DLG2: variants seen among roughly 807,000 people sequenced by gnomAD.
DLG2 encodes the protein discs large MAGUK scaffold protein 2.
A neutral mutation model predicts 132.5 loss-of-function variants in DLG2; 45 were observed. That is an observed-to-expected ratio of 0.34 (90% CI 0.27 to 0.44). The LOEUF is 0.44. DLG2 is among the 20% of genes least tolerant of loss of function. The pLI is 1.00. For missense variants in DLG2, 1,045 were observed against 1,196.9 expected (o/e 0.87, Z 1.87); for synonymous variants, 424 against 419.6 (o/e 1.01, Z -0.13).
intron 17 of DLG2, among the ~76,000 whole-genome samples, chr11:83,797,824 G>A (rs1190210182): frequency 6.6e-6 from 1 of 152,118 alleles, no homozygotes; most frequent in African/African-American, 2.4e-5. Flanking sequence ...GGCCGCGTTT[G>A]CATTCTTAAC....
intron 4 of DLG2, among the ~76,000 whole-genome samples, chr11:85,267,106 G>A (rs1306013716): frequency 6.6e-6 from 1 of 152,158 alleles, no homozygotes; most frequent in Admixed American, 6.5e-5. Flanking sequence ...CCAATGTGAT[G>A]TTATTTAGGC....
intron 6 of DLG2, among the ~76,000 whole-genome samples, chr11:84,753,603 C>A (rs569530044): frequency 6.6e-6 from 1 of 152,224 alleles, no homozygotes; most frequent in African/African-American, 2.4e-5. Flanking sequence ...TATGGGATAT[C>A]AAGGCAGAGC....
intron 3 of DLG2, among the ~76,000 whole-genome samples, chr11:85,413,280 T>C (rs2089511808): frequency 6.6e-6 from 1 of 152,008 alleles, no homozygotes; most frequent in South Asian, 2.1e-4. Context: ...CTAGTTTGAG[T>C]TCATTGTAGA....
intron 3 of DLG2, among the ~76,000 whole-genome samples, chr11:85,447,863 G>C (rs536506117): frequency 3.3e-5 from 5 of 152,172 alleles, no homozygotes; most frequent in Non-Finnish European, 7.4e-5. Flanking sequence ...TGAGAGGGAT[G>C]AGATAGACAG....
At chr11:85,504,409 C>T (rs1315527415) in intron 3 of DLG2, among the ~76,000 whole-genome samples, 1 of 152,134 alleles carries the variant, frequency 6.6e-6, no homozygotes, top group African/African-American at 2.4e-5. Flanking sequence ...AGGGAGGGAT[C>T]CAGTTTCAGC....
intron 11 of DLG2, among the ~76,000 whole-genome samples, chr11:83,993,909 A>C (rs1160795084): frequency 1.3e-5 from 2 of 152,172 alleles, no homozygotes; most frequent in African/African-American, 4.8e-5. Flanking sequence ...AAGTTTGATG[A>C]GGATGTCCCA....
At chr11:84,369,556 C>T (rs533660878) in intron 7 of DLG2, among the ~76,000 whole-genome samples, 2 of 152,142 alleles carry the variant, frequency 1.3e-5, no homozygotes, top group South Asian at 2.1e-4. Context: ...GGCAGACATA[C>T]ACACAAGGAA....
chr11:83,615,817 A>C (rs1299853264), intron 19 of DLG2, among the ~76,000 whole-genome samples: 1 of 152,228 alleles, frequency 6.6e-6, no homozygotes, highest in East Asian at 1.9e-4. Context: ...CGTGGAATTG[A>C]ATTCAGCCAA....
chr11:85,161,942 C>T (rs928363804), intron 4 of DLG2, among the ~76,000 whole-genome samples: 2 of 152,164 alleles, frequency 1.3e-5, no homozygotes, highest in African/African-American at 4.8e-5. Context: ...GCACCATTCA[C>T]CATGACCCCT....
At chr11:85,144,433 T>C (rs550749989) in intron 5 of DLG2, among the ~76,000 whole-genome samples, 2 of 151,410 alleles carry the variant, frequency 1.3e-5, no homozygotes, top group Admixed American at 6.6e-5. Flanking sequence ...TTATTATTGA[T>C]AGGTAAGAAC....
At chr11:84,271,062 A>G (rs2097715389) in intron 7 of DLG2, among the ~76,000 whole-genome samples, 1 of 152,222 alleles carries the variant, frequency 6.6e-6, no homozygotes, top group Non-Finnish European at 1.5e-5. Flanking sequence ...GGGAATACAT[A>G]GAGTACCTTT....
intron 6 of DLG2, among the ~76,000 whole-genome samples, chr11:84,892,155 A>G (rs1399190515): frequency 6.6e-6 from 1 of 152,188 alleles, no homozygotes; most frequent in African/African-American, 2.4e-5. Flanking sequence ...GGACCTAAAT[A>G]TAAATGATAT....
intron 3 of DLG2, among the ~76,000 whole-genome samples, chr11:85,486,663 A>G (rs1415213293): frequency 6.6e-6 from 1 of 152,040 alleles, no homozygotes; most frequent in Non-Finnish European, 1.5e-5. Flanking sequence ...TGGAATGCCC[A>G]CCCATAGCAG....
At chr11:83,574,868 A>T (rs1271787935) in intron 19 of DLG2, among the ~76,000 whole-genome samples, 1 of 152,212 alleles carries the variant, frequency 6.6e-6, no homozygotes, top group Non-Finnish European at 1.5e-5. Flanking sequence ...GCACTTGTGA[A>T]ATTATTGACT....
chr11:84,121,800 A>C (rs2093934268), intron 9 of DLG2, among the ~76,000 whole-genome samples: 1 of 151,366 alleles, frequency 6.6e-6, no homozygotes, highest in South Asian at 2.1e-4. Context: ...TGACCTTGTG[A>C]TCTGCCCGCC....
At chr11:83,960,585 G>A (rs1017182655) in intron 14 of DLG2, among the ~76,000 whole-genome samples, 1 of 151,436 alleles carries the variant, frequency 6.6e-6, no homozygotes, top group African/African-American at 2.4e-5. Context: ...TTCATGGAGG[G>A]GGTTCTGCAT....
At chr11:83,576,920 C>T (rs542062499) in intron 19 of DLG2, among the ~76,000 whole-genome samples, 1 of 152,090 alleles carries the variant, frequency 6.6e-6, no homozygotes, top group Non-Finnish European at 1.5e-5. Context: ...AAACAATTGT[C>T]CACTGTGATG....
intron 3 of DLG2, among the ~76,000 whole-genome samples, chr11:85,544,698 G>A (rs1349802924): frequency 2.6e-5 from 4 of 152,154 alleles, no homozygotes; most frequent in African/African-American, 9.7e-5. Context: ...TCCTTGAAGA[G>A]ATCCTTCACA....
intron 3 of DLG2, among the ~76,000 whole-genome samples, chr11:85,397,258 T>C (rs2087487418): frequency 6.6e-6 from 1 of 152,144 alleles, no homozygotes; most frequent in Non-Finnish European, 1.5e-5. Context: ...AGGCATGCCT[T>C]ATAAGAGCTA....
Sources: allele counts gnomAD v4.1 joint callset (sites outside exome capture counted in the v4.1 genomes callset), GRCh38; gene constraint gnomAD v4.1.1; transcripts MANE v1.5; gene names NCBI Gene and HGNC (gene_info 2026-07-23, HGNC 2026-07-21).